The following OSBPL10 variants were observed in gnomAD, a reference collection of about 807,000 sequenced individuals.
The protein encoded by OSBPL10 is oxysterol binding protein like 10, also known as oxysterol-binding protein-related protein 10.
Under a neutral mutation model 81.7 loss-of-function variants are expected in OSBPL10, and 49 were observed. That is an observed-to-expected ratio of 0.60 (90% CI 0.48 to 0.76). The LOEUF is 0.76. Ranked by LOEUF, OSBPL10 falls within the 30% of genes least tolerant of loss-of-function variation. The probability of loss-of-function intolerance (pLI) is 0.00; values close to 1 mark genes in which losing one functional copy is unlikely to be tolerated. For synonymous variants in OSBPL10, 419 were observed against 383.6 expected, an observed-to-expected ratio of 1.09 and a Z score of -1.08; for missense variants, 923 against 987.8, an observed-to-expected ratio of 0.93 and a Z score of 0.88.
At chr3:31,681,684 A>G (rs1292433707) in intron 8 of OSBPL10, among the ~76,000 whole-genome samples, 2 of 152,126 alleles carry the variant, frequency 1.3e-5, no homozygotes, top group African/African-American at 4.8e-5. Flanking sequence ...CATTCCATTC[A>G]GTCTACTTCT....
At chr3:31,932,700 C>T (rs1251638226) in intron 1 of OSBPL10, among the ~76,000 whole-genome samples, 2 of 151,930 alleles carry the variant, frequency 1.3e-5, no homozygotes, top group African/African-American at 4.8e-5. Flanking sequence ...GCTCCTTCTC[C>T]TCCCCCTCCT....
intron 4 of OSBPL10, among the ~76,000 whole-genome samples, chr3:31,787,488 G>C (rs1194461129): frequency 1.3e-5 from 2 of 151,956 alleles, no homozygotes; most frequent in African/African-American, 4.8e-5. Context: ...CCAGCTACTT[G>C]GGAGGCTGAG....
chr3:31,755,731 G>T (rs1697869605), intron 4 of OSBPL10, among the ~76,000 whole-genome samples: 2 of 152,168 alleles, frequency 1.3e-5, no homozygotes, highest in Non-Finnish European at 2.9e-5. Context: ...AGCTTTTTCT[G>T]GTCCTTCCAT....
chr3:31,907,323 G>C (rs1696437070), intron 1 of OSBPL10, among the ~76,000 whole-genome samples: 1 of 152,048 alleles, frequency 6.6e-6, no homozygotes, highest in Non-Finnish European at 1.5e-5. Context: ...AGAAAAGTAA[G>C]ACTGGTAAAT....
intron 1 of OSBPL10, among the ~76,000 whole-genome samples, chr3:32,071,966 CT>C (rs1393752968): frequency 6.6e-6 from 1 of 152,182 alleles, no homozygotes; most frequent in Non-Finnish European, 1.5e-5. Flanking sequence ...CTAATTGCCA[CT>C]CACCAGCAAA....
At chr3:31,678,349 A>G (rs548693778) in intron 8 of OSBPL10, among the ~76,000 whole-genome samples, 1 of 152,276 alleles carries the variant, frequency 6.6e-6, no homozygotes, top group Admixed American at 6.5e-5. Flanking sequence ...AGAGGGAAGA[A>G]GGGAAAGATG....
At chr3:32,054,729 C>T (rs1349872346) in intron 1 of OSBPL10, among the ~76,000 whole-genome samples, 1 of 151,878 alleles carries the variant, frequency 6.6e-6, no homozygotes, top group Admixed American at 6.6e-5. Context: ...GATGGGGTTT[C>T]ACCACATAGG....
chr3:31,777,877 C>T (rs1698584272), intron 4 of OSBPL10, among the ~76,000 whole-genome samples: 1 of 152,186 alleles, frequency 6.6e-6, no homozygotes, highest in Non-Finnish European at 1.5e-5. Flanking sequence ...CAGCTCAAGC[C>T]CAGGGAAGCC....
At position 31,664,130 on chromosome 3, in the gene OSBPL10, C is replaced by T; in HGVS notation, c.2199G>A (p.Arg733=). The T allele has an allele frequency of 6.2e-7, 1 of 1,613,990 alleles. No individual in the cohort carries two copies. Among genetic ancestry groups the T allele is most frequent in the Non-Finnish European group, 8.5e-7 (1 of 1,180,016 alleles). Residue 733 remains arginine (R), a synonymous_variant, in exon 11 of 12, where the codon CGG becomes CGA. Coordinates refer to ENST00000396556, the MANE Select transcript of OSBPL10 (RefSeq NM_017784.5). ...HLEEKQRVEE[R]KRENLRTPWK... The stretch of plus-strand genomic sequence containing the variant: ...ATGGTGTGCGGAGGTTCTCGCGCTT[C>T]CGTTCCTCCACCCGTTGCTTCTCCT...
intron 4 of OSBPL10, among the ~76,000 whole-genome samples, chr3:31,796,375 C>G (rs1699210773): frequency 1.3e-5 from 2 of 151,914 alleles, no homozygotes; most frequent in African/African-American, 2.4e-5. Context: ...GCCCCGCCCC[C>G]CCAAAAAAGG....
intron 1 of OSBPL10, among the ~76,000 whole-genome samples, chr3:31,967,150 G>A (rs1269702726): frequency 2.0e-5 from 3 of 151,356 alleles, no homozygotes; most frequent in East Asian, 1.9e-4. Context: ...CAAAACCAAG[G>A]TCAGGAAAAA....
chr3:31,703,371 G>A (rs1695959416), intron 6 of OSBPL10, among the ~76,000 whole-genome samples: 2 of 152,150 alleles, frequency 1.3e-5, no homozygotes, highest in Admixed American at 1.3e-4. Flanking sequence ...ATAAGCAAAA[G>A]CACTCTGCAC....
chr3:31,854,071 T>G (rs1021597764), intron 3 of OSBPL10, among the ~76,000 whole-genome samples: 4 of 152,218 alleles, frequency 2.6e-5, no homozygotes, highest in Non-Finnish European at 4.4e-5. Flanking sequence ...TGTTCATCTA[T>G]CTGTATAAAA....
At chr3:31,900,361 A>G (rs574230325) in intron 1 of OSBPL10, among the ~76,000 whole-genome samples, 6 of 152,250 alleles carry the variant, frequency 3.9e-5, no homozygotes, top group East Asian at 1.9e-4. Context: ...ACCATTTACC[A>G]TATCATTGCC....
Position 32,054,526 on chromosome 3 carries a change from C to CTTTTTTTTTTTTTTTTTTTTTTTTTTTTT in OSBPL10, n.186-7924_186-7923insAAAAAAAAAAAAAAAAAAAAAAAAAAAAA, listed in dbSNP as rs755489489. ...ACCAACATTTCCTGGTCAATGGTGG[C>CTTTTTTTTTTTTTTTTTTTTTTTTTTTTT]TTTTTTTTTTTTTTTTTTTTTTTGA... On this transcript the variant is annotated intron_variant and non_coding_transcript_variant, in intron 1 of 3. Coordinates refer to the OSBPL10 transcript ENST00000479173. Among the ~76,000 whole-genome samples, 3 of 86,604 alleles carry CTTTTTTTTTTTTTTTTTTTTTTTTTTTTT rather than the reference C, an allele frequency of 3.5e-5. 1 individual carries two copies. The highest frequency in any genetic ancestry group is 9.2e-5 in the African/African-American group (2 of 21,832). 56.8% of individuals were successfully genotyped at this position (86,604 alleles called of 152,430 possible).
Position 32,063,659 on chromosome 3 carries a change from G to A in OSBPL10, n.185+13737C>T, listed in dbSNP as rs1446187573. ...TATATGTGAAGGGAGGGACCTGGTG[G>A]GAGGTGATTGGATCATGGGGGCAGT... On this transcript the variant is annotated intron_variant and non_coding_transcript_variant, in intron 1 of 3. Transcript: ENST00000479173. Among the ~76,000 whole-genome samples, 5 of 91,646 alleles carry A rather than the reference G, an allele frequency of 5.5e-5. 1 individual carries two copies. The highest frequency in any genetic ancestry group is 1.4e-4 in the African/African-American group (5 of 35,620). 60.1% of individuals were successfully genotyped at this position (91,646 alleles called of 152,430 possible).
chr3:31,997,910 C>T (rs1223228379), intron 2 of OSBPL10, among the ~76,000 whole-genome samples: 1 of 152,166 alleles, frequency 6.6e-6, no homozygotes, highest in Non-Finnish European at 1.5e-5. Flanking sequence ...ACCTTAGCCT[C>T]CCGAGTAGCT....
chr3:31,958,705 C>A (rs1024393695), intron 1 of OSBPL10, among the ~76,000 whole-genome samples: 1 of 152,178 alleles, frequency 6.6e-6, no homozygotes, highest in Non-Finnish European at 1.5e-5. Flanking sequence ...CACACAAGAG[C>A]CAAGGGTGTT....
At chr3:31,740,044 A>AC (rs1697292421) in intron 5 of OSBPL10, among the ~76,000 whole-genome samples, 1 of 128,180 alleles carries the variant, frequency 7.8e-6, no homozygotes, top group South Asian at 2.5e-4. Context: ...TATGAATAAT[A>AC]CTTTTTTTTT....
Sources: allele counts gnomAD v4.1 joint callset (sites outside exome capture counted in the v4.1 genomes callset), GRCh38; gene constraint gnomAD v4.1.1; transcripts MANE v1.5; gene names NCBI Gene and HGNC (gene_info 2026-07-23, HGNC 2026-07-21).